Variants in DSCAML1 observed in about 807,000 individuals in gnomAD.
DSCAML1 encodes the protein DS cell adhesion molecule like 1.
Under a neutral mutation model 200.5 loss-of-function variants are expected in DSCAML1, and 38 were observed. The observed-to-expected ratio is 0.19, with a 90% CI of 0.15 to 0.25. The LOEUF is 0.25. Ranked by LOEUF, DSCAML1 falls within the 10% of genes least tolerant of loss-of-function variation. The pLI is 1.00. For synonymous variants in DSCAML1, 1,215 were observed against 1,165.0 expected (o/e 1.04, Z -0.87); for missense variants, 2,223 against 2,858.8 (o/e 0.78, Z 5.07).
chr11:117,778,635 GCAAGTGACTTAACT>G (rs1311311577), intron 2 of DSCAML1, among the ~76,000 whole-genome samples: 1 of 152,256 alleles, frequency 6.6e-6, no homozygotes, highest in Non-Finnish European at 1.5e-5. Context: ...GTGCCCTTGG[GCAAGTGACTTAACT>G]CTCTTTGTTT....
intron 1 of DSCAML1, among the ~76,000 whole-genome samples, chr11:117,795,734 CCAACCCA>C (rs1323232016): frequency 1.3e-5 from 2 of 152,192 alleles, no homozygotes; most frequent in Non-Finnish European, 2.9e-5. Context: ...CCTCTTTCCC[CCAACCCA>C]CGATGTATCG....
chr11:117,449,509 A>G (rs975134627), intron 20 of DSCAML1, among the ~76,000 whole-genome samples: 5 of 152,102 alleles, frequency 3.3e-5, no homozygotes, highest in Admixed American at 1.3e-4. Context: ...TGATGACACA[A>G]TTACTGAGCA....
At chr11:117,604,403 TCCCTCCCTCCCAGCGCCTGC>T (rs2051524708) in intron 3 of DSCAML1, among the ~76,000 whole-genome samples, 1 of 151,516 alleles carries the variant, frequency 6.6e-6, no homozygotes, top group South Asian at 2.1e-4. Context: ...CACAGAGATC[TCCCTCCCTCCCAGCGCCTGC>T]CCCTCCCTCC....
intron 3 of DSCAML1, among the ~76,000 whole-genome samples, chr11:117,766,135 G>A (rs929386065): frequency 7.9e-5 from 12 of 152,298 alleles, no homozygotes; most frequent in South Asian, 4.1e-4. Flanking sequence ...GTGGCATTGC[G>A]GACGCAGTTA....
At chr11:117,640,847 A>T (rs1293019489) in intron 3 of DSCAML1, among the ~76,000 whole-genome samples, 1 of 152,126 alleles carries the variant, frequency 6.6e-6, no homozygotes, top group Non-Finnish European at 1.5e-5. Context: ...CAACTCACTG[A>T]GATGTGTCAT....
At chr11:117,816,708 C>T (rs918616872) in intron 1 of DSCAML1, among the ~76,000 whole-genome samples, 6 of 152,030 alleles carry the variant, frequency 3.9e-5, no homozygotes, top group African/African-American at 1.2e-4. Context: ...AGCCCACTTC[C>T]TTCACTAGAC....
intron 3 of DSCAML1, among the ~76,000 whole-genome samples, chr11:117,580,253 C>T (rs1233614631): frequency 1.3e-5 from 2 of 151,954 alleles, no homozygotes; most frequent in African/African-American, 4.9e-5. Flanking sequence ...CCTCCAAAGA[C>T]CCTTTCATTC....
At chr11:117,524,507 G>A (rs1565764478) in intron 5 of DSCAML1, among the ~76,000 whole-genome samples, 1 of 152,204 alleles carries the variant, frequency 6.6e-6, no homozygotes, top group East Asian at 1.9e-4. Flanking sequence ...ATGACCTCTG[G>A]GAGGTAGGAA....
intron 16 of DSCAML1, among the ~76,000 whole-genome samples, chr11:117,468,964 GCC>G (rs1223352264): frequency 6.6e-6 from 1 of 152,200 alleles, no homozygotes; most frequent in Non-Finnish European, 1.5e-5. Flanking sequence ...CAACCCCCGA[GCC>G]CCACTGTTGA....
Position 117,472,017 on chromosome 11 carries a change from C to T in DSCAML1, c.2805G>A (p.Gln935=). 1 of 1,614,090 alleles carries T rather than the reference C, an allele frequency of 6.2e-7. No individual in the cohort carries two copies. The highest frequency in any genetic ancestry group is 8.5e-7 in the Non-Finnish European group (1 of 1,180,006). The change falls in exon 15 of 33, where the codon CAG becomes CAA. Residue 935 remains glutamine, a synonymous_variant. Coordinates refer to ENST00000651296, the MANE Select transcript of DSCAML1 (RefSeq NM_020693.4). ...KNKSDSWDFK[Q]STRNISPTIN... ...TGGTGGGGGAGATGTTGCGTGTGGA[C>T]TGCTTGAAGTCCCAGGAATCTGGAG...
chr11:117,573,673 CA>C (rs1417196711), intron 3 of DSCAML1, among the ~76,000 whole-genome samples: 2 of 152,242 alleles, frequency 1.3e-5, no homozygotes, highest in Admixed American at 1.3e-4. Flanking sequence ...TGCCATGCAG[CA>C]AAGCAAATAT....
chr11:117,471,808 AGG>A, intron 15 of DSCAML1, 59 bp downstream of exon 15: 3 of 1,252,600 alleles, frequency 2.4e-6, no homozygotes, highest in Non-Finnish European at 2.2e-6. Flanking sequence ...GGATCGCTGT[AGG>A]CCCCTGGTGG....
At chr11:117,484,818 G>C (rs909402025) in intron 11 of DSCAML1, among the ~76,000 whole-genome samples, 2 of 152,100 alleles carry the variant, frequency 1.3e-5, no homozygotes, top group Admixed American at 6.5e-5. Flanking sequence ...GGGCCCTGAG[G>C]CCTCCTTCCT....
chr11:117,807,731 A>T (rs973718695), intron 1 of DSCAML1, among the ~76,000 whole-genome samples: 1 of 152,216 alleles, frequency 6.6e-6, no homozygotes, highest in Non-Finnish European at 1.5e-5. Context: ...CATGGAGATT[A>T]TCTTTCAATA....
intron 3 of DSCAML1, among the ~76,000 whole-genome samples, chr11:117,602,527 AT>A (rs1462806663): frequency 6.6e-6 from 1 of 151,994 alleles, no homozygotes; most frequent in Non-Finnish European, 1.5e-5. Flanking sequence ...TGCTCAGCTA[AT>A]TTTTGTATTT....
At chr11:117,746,250 C>T (rs892429614) in intron 3 of DSCAML1, among the ~76,000 whole-genome samples, 1 of 135,694 alleles carries the variant, frequency 7.4e-6, no homozygotes, top group Non-Finnish European at 1.6e-5. Context: ...AAAAAAGTGC[C>T]TGGCACATAG....
In DSCAML1 at chr11:117,574,524, C is replaced by G. The variant is rs1478441746; in HGVS notation, c.512-42002G>C. 2.0e-5 allele frequency among the ~76,000 whole-genome samples: 3 copies of G among 152,176 alleles called. No individual in the cohort carries two copies. The East Asian group carries it at 5.8e-4, about 29-fold the overall frequency. On this transcript the variant is annotated intron_variant, in intron 3 of 32. Transcript: ENST00000651296. ...CATGGGTTGGCCTTTTCTCCAGATGCAGGGGCCCTTTAGCATTCACCAGTG... is the reference window on the plus strand; with the variant it reads ...CATGGGTTGGCCTTTTCTCCAGATGGAGGGGCCCTTTAGCATTCACCAGTG...
At chr11:117,688,391 A>G (rs961869309) in intron 3 of DSCAML1, among the ~76,000 whole-genome samples, 1 of 152,138 alleles carries the variant, frequency 6.6e-6, no homozygotes, top group Non-Finnish European at 1.5e-5. Flanking sequence ...ATTTCCTGAC[A>G]ATGGTCTCAG....
chr11:117,810,035 ACACACATTCACACTCACACACATT>A (rs1468220756), intron 1 of DSCAML1, among the ~76,000 whole-genome samples: 1 of 151,934 alleles, frequency 6.6e-6, no homozygotes, highest in African/African-American at 2.4e-5. Flanking sequence ...AAATATTTTC[ACACACATTCACACTCACACACATT>A]CACACACTCA....
Sources: gnomAD v4.1 joint callset for allele counts (sites outside exome capture counted in the v4.1 genomes callset) on GRCh38, gnomAD v4.1.1 for gene constraint, MANE v1.5 for transcripts, NCBI Gene and HGNC (gene_info 2026-07-23, HGNC 2026-07-21) for gene names.